The following EYS variants were observed in gnomAD, a reference collection of about 807,000 sequenced individuals.
EYS encodes EGF-like photoreceptor maintenance factor.
In EYS, 250 loss-of-function variants were observed where a neutral mutation model predicts 282.1. The observed-to-expected ratio is 0.89, with a 90% CI of 0.80 to 0.98. The LOEUF is 0.98. Ranked by LOEUF, EYS falls within the 50% of genes least tolerant of loss-of-function variation. The pLI, the probability that EYS is intolerant of heterozygous loss-of-function variation, is 0.00. For missense variants in EYS, 4,016 were observed against 3,709.0 expected (o/e 1.08, Z -2.15); for synonymous variants, 1,355 against 1,282.9 (o/e 1.06, Z -1.20).
At chr6:64,308,601 A>T (rs943157112) in intron 29 of EYS, among the ~76,000 whole-genome samples, 1 of 152,184 alleles carries the variant, frequency 6.6e-6, no homozygotes, top group African/African-American at 2.4e-5. Context: ...AATTAAAATT[A>T]TACACTATTT....
intron 12 of EYS, among the ~76,000 whole-genome samples, chr6:65,248,442 A>T (rs1767236517): frequency 6.6e-6 from 1 of 152,058 alleles, no homozygotes; most frequent in African/African-American, 2.4e-5. Context: ...ATGCAGAAGA[A>T]ATGACATATG....
chr6:64,626,024 T>C (rs1262853433), intron 23 of EYS, 97 bp downstream of exon 23: 3 of 680,494 alleles, frequency 4.4e-6, no homozygotes, highest in Non-Finnish European at 7.2e-6. Context: ...GTGGAGTGGA[T>C]TGTCAAAATT....
intron 30 of EYS, among the ~76,000 whole-genome samples, chr6:64,245,227 TA>T (rs35085468): frequency 6.6e-6 from 1 of 152,170 alleles, no homozygotes; most frequent in African/African-American, 2.4e-5. Flanking sequence ...TATGCAGTCA[TA>T]AAAAAGGATG....
chr6:64,269,257 T>G (rs1435966170), intron 30 of EYS, among the ~76,000 whole-genome samples: 2 of 152,040 alleles, frequency 1.3e-5, no homozygotes, highest in East Asian at 1.9e-4. Context: ...AGATTAATCT[T>G]ATAAGGGACA....
chr6:64,240,387 A>G (rs1241361183), intron 30 of EYS, among the ~76,000 whole-genome samples: 1 of 152,212 alleles, frequency 6.6e-6, no homozygotes, highest in Non-Finnish European at 1.5e-5. Context: ...ATCCATGAAC[A>G]TGGAATGTTT....
At chr6:64,130,704 A>G (rs1773946909) in intron 31 of EYS, among the ~76,000 whole-genome samples, 1 of 152,152 alleles carries the variant, frequency 6.6e-6, no homozygotes, top group South Asian at 2.1e-4. Flanking sequence ...TCCATGGAGA[A>G]GGCATAACAG....
intron 12 of EYS, among the ~76,000 whole-genome samples, chr6:65,145,814 A>G (rs1764462521): frequency 6.6e-6 from 1 of 151,990 alleles, no homozygotes; most frequent in Non-Finnish European, 1.5e-5. Flanking sequence ...TGATTTTATA[A>G]TGCATTTCAG....
chr6:64,352,849 T>G (rs549081423), intron 29 of EYS, among the ~76,000 whole-genome samples: 1 of 151,692 alleles, frequency 6.6e-6, no homozygotes, highest in African/African-American at 2.4e-5. Context: ...CCATCAACCT[T>G]ATCTTCTTGC....
chr6:65,347,324 T>A (rs2150322547), intron 9 of EYS, among the ~76,000 whole-genome samples: 1 of 151,946 alleles, frequency 6.6e-6, no homozygotes. Context: ...GTGTTTATAT[T>A]ACTGACTTAC....
At chr6:65,566,091 G>A (rs1372113401) in intron 2 of EYS, among the ~76,000 whole-genome samples, 5 of 102,824 alleles carry the variant, frequency 4.9e-5, no homozygotes, top group African/African-American at 2.0e-4. Flanking sequence ...AGAACTGAAA[G>A]TATTAAAAAA....
At chr6:64,989,394 A>AATACATATATATAT (rs1554224809) in intron 14 of EYS, among the ~76,000 whole-genome samples, 10 of 69,720 alleles carry the variant, frequency 1.4e-4, no homozygotes, top group Admixed American at 1.1e-3. Context: ...GGCTAGCTGT[A>AATACATATATATAT]ATATATATAT....
chr6:64,707,407 C>G (rs6929896), intron 22 of EYS, among the ~76,000 whole-genome samples: 71 of 151,766 alleles, frequency 4.7e-4, no homozygotes, highest in Admixed American at 4.1e-3. Flanking sequence ...TGGTGGCTCA[C>G]GCCTGTAATC....
At chr6:64,426,057 G>T (rs1189980321) in intron 28 of EYS, among the ~76,000 whole-genome samples, 3 of 151,888 alleles carry the variant, frequency 2.0e-5, no homozygotes, top group African/African-American at 4.8e-5. Flanking sequence ...GGCATAAAAA[G>T]AGAAAAAATA....
chr6:64,952,327 G>T (rs1042974383), intron 14 of EYS, among the ~76,000 whole-genome samples: 1 of 151,936 alleles, frequency 6.6e-6, no homozygotes, highest in African/African-American at 2.4e-5. Context: ...TTAAATTCAG[G>T]CTCTAAGAAT....
intron 26 of EYS, among the ~76,000 whole-genome samples, chr6:64,544,217 C>T (rs768150942): frequency 2.0e-5 from 3 of 152,150 alleles, no homozygotes; most frequent in Non-Finnish European, 2.9e-5. Context: ...TTAACCTGTA[C>T]ACTCGCTAAG....
intron 1 of EYS, among the ~76,000 whole-genome samples, chr6:65,685,098 A>T (rs1768970500): frequency 6.6e-6 from 1 of 152,034 alleles, no homozygotes; most frequent in Non-Finnish European, 1.5e-5. Context: ...AGTGAGGGTA[A>T]TAAGATATGG....
chr6:63,813,399 T>C (rs929480377), intron 36 of EYS, among the ~76,000 whole-genome samples: 7 of 152,338 alleles, frequency 4.6e-5, no homozygotes, highest in African/African-American at 1.7e-4. Flanking sequence ...ATTTGTGAGC[T>C]AAAAATACTG....
intron 5 of EYS, among the ~76,000 whole-genome samples, chr6:65,443,161 T>C (rs1157535636): frequency 1.4e-5 from 2 of 144,620 alleles, no homozygotes; most frequent in Non-Finnish European, 3.1e-5. Flanking sequence ...CATACACATA[T>C]ATGAGCACAT....
intron 7 of EYS, among the ~76,000 whole-genome samples, chr6:65,393,384 C>G (rs1766135808): frequency 6.6e-6 from 1 of 152,114 alleles, no homozygotes; most frequent in South Asian, 2.1e-4. Context: ...TATAGCAGCC[C>G]AGCTTTTGAG....
Sources: gnomAD v4.1 joint callset for allele counts (sites outside exome capture counted in the v4.1 genomes callset) on GRCh38, gnomAD v4.1.1 for gene constraint, MANE v1.5 for transcripts, NCBI Gene and HGNC (gene_info 2026-07-23, HGNC 2026-07-21) for gene names.